The following BBX variants were observed in gnomAD, a reference collection of about 807,000 sequenced individuals.
BBX encodes HMG box transcription factor BBX.
A neutral mutation model predicts 100.2 loss-of-function variants in BBX; 30 were observed. The observed-to-expected ratio is 0.30, with a 90% CI of 0.22 to 0.41. BBX has a LOEUF of 0.41. BBX is among the 10% of genes least tolerant of loss of function. The pLI, the probability that BBX is intolerant of heterozygous loss-of-function variation, is 1.00. For missense variants in BBX, 1,023 were observed against 1,129.8 expected, an observed-to-expected ratio of 0.91 and a Z score of 1.35; for synonymous variants, 376 against 388.1, an observed-to-expected ratio of 0.97 and a Z score of 0.37.
At chr3:107,725,532 A>T (rs924639771) in intron 5 of BBX, among the ~76,000 whole-genome samples, 2 of 152,080 alleles carry the variant, frequency 1.3e-5, no homozygotes, top group African/African-American at 4.8e-5. Flanking sequence ...TGATCTGGAA[A>T]AGTAATGTTG....
intron 2 of BBX, among the ~76,000 whole-genome samples, chr3:107,618,338 G>T (rs753959379): frequency 6.6e-6 from 1 of 151,654 alleles, no homozygotes; most frequent in Admixed American, 6.6e-5. Flanking sequence ...TTCTTTTTTG[G>T]CATCATCTTT....
At chr3:107,690,779 G>T (rs2060110794) in intron 3 of BBX, among the ~76,000 whole-genome samples, 1 of 150,830 alleles carries the variant, frequency 6.6e-6, no homozygotes, top group African/African-American at 2.4e-5. Flanking sequence ...CGTGTATCTT[G>T]TGGGTAGTGA....
intron 5 of BBX, among the ~76,000 whole-genome samples, chr3:107,722,188 A>G (rs1427002081): frequency 6.6e-6 from 1 of 152,016 alleles, no homozygotes; most frequent in African/African-American, 2.4e-5. Context: ...TGTTAAGTAA[A>G]CACTTGTATT....
chr3:107,742,762 C>A (rs2064218386), intron 7 of BBX, among the ~76,000 whole-genome samples: 1 of 152,134 alleles, frequency 6.6e-6, no homozygotes, highest in Non-Finnish European at 1.5e-5. Flanking sequence ...AATTGACAAA[C>A]CATGTACAGG....
intron 3 of BBX, among the ~76,000 whole-genome samples, chr3:107,660,677 T>C (rs567616833): frequency 2.0e-5 from 3 of 152,304 alleles, no homozygotes; most frequent in Admixed American, 6.5e-5. Context: ...TGTGTTCTTA[T>C]TGTCTTATTT....
intron 5 of BBX, among the ~76,000 whole-genome samples, 157 bp downstream of exon 5, chr3:107,717,006 T>C (rs1458664752): frequency 1.3e-5 from 2 of 152,172 alleles, no homozygotes; most frequent in East Asian, 3.8e-4. Context: ...TTGTATGACT[T>C]GTTCCTGTTC....
intron 2 of BBX, among the ~76,000 whole-genome samples, chr3:107,541,084 A>T (rs1278948161): frequency 1.3e-5 from 2 of 152,106 alleles, no homozygotes; most frequent in Non-Finnish European, 2.9e-5. Context: ...TATACTTGTT[A>T]TTGCAACTTA....
intron 9 of BBX, among the ~76,000 whole-genome samples, chr3:107,750,965 G>C (rs942639965): frequency 5.9e-5 from 9 of 152,094 alleles, no homozygotes; most frequent in African/African-American, 2.2e-4. Context: ...CAGATTGCTG[G>C]GCCCCGCCAC....
chr3:107,647,716 C>G (rs1211995357), intron 3 of BBX, among the ~76,000 whole-genome samples: 1 of 152,190 alleles, frequency 6.6e-6, no homozygotes, highest in South Asian at 2.1e-4. Context: ...TAGTCAATTA[C>G]ATTTCAGTAT....
intron 2 of BBX, among the ~76,000 whole-genome samples, chr3:107,546,452 CAG>C (rs2049247536): frequency 1.3e-5 from 2 of 152,150 alleles, no homozygotes; most frequent in African/African-American, 4.8e-5. Flanking sequence ...CCATGATACA[CAG>C]AACCATATGA....
At chr3:107,614,724 T>G (rs1013495673) in intron 2 of BBX, among the ~76,000 whole-genome samples, 1 of 152,214 alleles carries the variant, frequency 6.6e-6, no homozygotes, top group Non-Finnish European at 1.5e-5. Flanking sequence ...TTTATTGTTA[T>G]CTTTTATTTT....
intron 2 of BBX, among the ~76,000 whole-genome samples, chr3:107,541,086 T>C (rs1159943686): frequency 6.6e-6 from 1 of 152,242 alleles, no homozygotes; most frequent in East Asian, 1.9e-4. Context: ...TACTTGTTAT[T>C]GCAACTTAGA....
chr3:107,744,730 A>G lies in BBX; in HGVS notation c.750+20A>G. On this transcript the variant is annotated intron_variant, in intron 8 of 17. Coordinates refer to ENST00000325805, the MANE Select transcript of BBX (RefSeq NM_001142568.3). ...GCCGAGGTAATATATTACAATTGAT[A>G]CTTAACTAATGAGGAAATTGTAAAG... 1.9e-6 allele frequency: 3 copies of G among 1,588,392 alleles called. No homozygotes were observed.
Position 107,808,349 on chromosome 3 carries a change from G to A in BBX, c.*2892G>A, listed in dbSNP as rs1438590179. ...TTCTGAAACCATTCTGAATTTAGTT[G>A]AAATTATCAATATTTATGCTTTTAA... is the stretch of plus-strand genomic sequence containing the variant. On this transcript the variant is annotated 3_prime_UTR_variant, in exon 18 of 18. Coordinates refer to ENST00000325805, the MANE Select transcript of BBX (RefSeq NM_001142568.3). 1 of 152,030 alleles carries A rather than the reference G, an allele frequency of 6.6e-6. No individual in the cohort carries two copies. The highest frequency in any genetic ancestry group is 1.5e-5 in the Non-Finnish European group (1 of 67,998). The allele number at this position is 152,030 out of a possible 1,614,324, so 9.4% of individuals were successfully genotyped here.
At chr3:107,724,671 T>C (rs1228867862) in intron 5 of BBX, among the ~76,000 whole-genome samples, 2 of 152,198 alleles carry the variant, frequency 1.3e-5, no homozygotes, top group African/African-American at 4.8e-5. Context: ...GGGAATCCTT[T>C]CCCCATTTCT....
intron 3 of BBX, among the ~76,000 whole-genome samples, chr3:107,690,890 C>A (rs917354048): frequency 2.5e-5 from 2 of 80,938 alleles, no homozygotes; most frequent in Non-Finnish European, 5.5e-5. Flanking sequence ...ATGCCCCCCC[C>A]CCTTTTTTTT....
rs745968551 is a variant in BBX, at chr3:107,716,694, A to G, written c.250A>G (p.Met84Val). The change falls in exon 5 of 18, where the codon ATG becomes GTG. Residue 84 changes from methionine (M) to valine (V), a missense_variant. By Grantham distance (21) the Met-to-Val change is conservative. This residue lies in a region of BBX where 229 missense variants were observed against 226.3 expected (regional missense o/e 1.01). Transcript: ENST00000325805. ...ESPEQRARRP[M>V]NAFLLFCKRH... ...ACCAGAGCAGCGAGCCCGGAGACCA[A>G]TGAATGCATTTCTTTTATTTTGCAA... The G allele has an allele frequency of 2.2e-5, 35 of 1,613,758 alleles. No homozygotes were observed. Among genetic ancestry groups the G allele is most frequent in the East Asian group, 4.5e-5 (2 of 44,888 alleles).
intron 1 of BBX, chr3:107,524,447 A>G (rs920969094): frequency 6.6e-6 from 1 of 151,980 alleles, no homozygotes; most frequent in African/African-American, 2.4e-5. Flanking sequence ...TTGGTATTGT[A>G]TGAAACTTAA....
chr3:107,530,197 G>C (rs1187648738), intron 2 of BBX, among the ~76,000 whole-genome samples: 1 of 152,132 alleles, frequency 6.6e-6, no homozygotes, highest in Non-Finnish European at 1.5e-5. Context: ...TTTGAGACCA[G>C]CCTGGCCAAC....
Sources: allele counts gnomAD v4.1 joint callset (sites outside exome capture counted in the v4.1 genomes callset), GRCh38; gene constraint gnomAD v4.1.1; regional missense constraint gnomAD v4.1.1; transcripts MANE v1.5; gene names NCBI Gene and HGNC (gene_info 2026-07-23, HGNC 2026-07-21).